The following HYPK variants were observed in gnomAD, a reference collection of about 807,000 sequenced individuals.
HYPK encodes the protein huntingtin-interacting protein K.
In HYPK, 9 loss-of-function variants were observed where a neutral mutation model predicts 13.9. That is an observed-to-expected ratio of 0.65 (90% CI 0.39 to 1.13). The LOEUF (loss-of-function observed/expected upper bound fraction) is 1.13, where lower values mean the gene tolerates loss of function less well. Ranked by LOEUF, HYPK falls within the 50% of genes most tolerant of loss-of-function variation. The pLI is 0.01. For synonymous variants in HYPK, 76 were observed against 57.0 expected (o/e 1.33, Z -1.50); for missense variants, 138 against 157.6 (o/e 0.88, Z 0.67).
In HYPK at chr15:43,801,912, C is replaced by T. The variant is rs2087322693; in HGVS notation, c.*106C>T. The T allele has an allele frequency of 4.8e-6, 4 of 841,208 alleles. No individual in the cohort carries two copies. The highest frequency in any genetic ancestry group is 7.7e-6 in the Non-Finnish European group (4 of 520,384). 52.1% of individuals were successfully genotyped at this position (841,208 alleles called of 1,614,324 possible). A position where few individuals can be genotyped will look rare whatever the true frequency, so the allele number is the denominator to read the frequency against. ...GGGTCAAGTAGAGTGTATACTATAT[C>T]CTATGTTGTGGAGAATTTATATGTT... On this transcript the variant is annotated 3_prime_UTR_variant, in exon 4 of 4. Coordinates refer to ENST00000442995, the MANE Select transcript of HYPK (RefSeq NM_016400.4).
At chr15:43,801,254 CCAT>C in intron 2 of HYPK, 67 bp downstream of exon 2, 2 of 1,346,770 alleles carry the variant, frequency 1.5e-6, no homozygotes, top group Non-Finnish European at 2.1e-6. Flanking sequence ...AAAATAAAAA[CCAT>C]TATTAAGCCT....
chr15:43,801,665 G>GCA, intron 3 of HYPK, 46 bp from the exon 4 acceptor site: 1 of 1,608,752 alleles, frequency 6.2e-7, no homozygotes, highest in Non-Finnish European at 8.5e-7. Flanking sequence ...ATATTTGGTG[G>GCA]CACATTAATG....
intron 3 of HYPK, 46 bp downstream of exon 3, chr15:43,801,615 T>C (rs1297408727): frequency 1.2e-6 from 2 of 1,607,286 alleles, no homozygotes; most frequent in African/African-American, 2.7e-5. Context: ...GAGGCTATTC[T>C]GCTTAATTTG....
At position 43,802,407 on chromosome 15, in the gene HYPK, T is replaced by C. The variant is rs1483445925; in HGVS notation, c.*601T>C. On this transcript the variant is annotated 3_prime_UTR_variant, in exon 4 of 4. Transcript: ENST00000442995. ...TGTGAAACCCCGTCTCCACTGAAAA[T>C]AGAAAAATTAGCTGGGCATGGTGGT... 6.9e-6 allele frequency: 1 copy of C among 145,616 alleles called. No individual in the cohort carries two copies. The highest frequency in any genetic ancestry group is 1.5e-5 in the Non-Finnish European group (1 of 66,974). The allele number at this position is 145,616 out of a possible 1,614,324, so 9.0% of individuals were successfully genotyped here. A position where few individuals can be genotyped will look rare whatever the true frequency, so the allele number is the denominator to read the frequency against.
In HYPK at chr15:43,801,155, A is replaced by C; in HGVS notation, c.186A>C (p.Arg62Ser). 6.2e-7 allele frequency: 1 copy of C among 1,613,990 alleles called. No individual in the cohort carries two copies. Among genetic ancestry groups the C allele is most frequent in the Non-Finnish European group, 8.5e-7 (1 of 1,179,944 alleles). Residue 62 changes from arginine to serine, a missense_variant, in exon 2 of 4, where the codon AGA becomes AGC. Arg to Ser is a moderately radical substitution (Grantham distance 110). Transcript: ENST00000442995. ...AGGCCATGTCTGTGATTGGAGACAG[A>C]AGGTCCCGGGAGCAGAAAGCCAAAC... ...LETAMSVIGD[R>S]RSREQKAKQE...
chr15:43,803,807 AAT>A lies in HYPK; in HGVS notation c.*2002_*2003del, dbSNP rs2087343057. 6.6e-6 allele frequency among the ~76,000 whole-genome samples: 1 copy of A among 150,444 alleles called. No homozygotes were observed. The highest frequency in any genetic ancestry group is 1.5e-5 in the Non-Finnish European group (1 of 67,810). On this transcript the variant is annotated 3_prime_UTR_variant, in exon 4 of 4. Coordinates refer to ENST00000442995, the MANE Select transcript of HYPK (RefSeq NM_016400.4). Reference sequence around the variant, plus strand: ...CCATCTCAAAAAAAAAAAAAAAAAAAATCAGCTTGGACCAACTCACACATGTT... The same window carrying A: ...CCATCTCAAAAAAAAAAAAAAAAAAACAGCTTGGACCAACTCACACATGTT...
Position 43,801,529 on chromosome 15 carries a change from TG to T in HYPK, c.232del (p.Ala78GlnfsTer12). ...QKAKQEREKE[L>X]AKVTIKKEDL... ...AAATATTTTTGCAGGGAGAAAGAAC[TG>T]GCAAAAGTCACTATCAAGAAGGAAG... On this transcript the variant is annotated frameshift_variant, in exon 3 of 4. Transcript: ENST00000442995. LOFTEE classifies it high-confidence loss of function. The T allele has an allele frequency of 6.2e-7, 1 of 1,613,686 alleles. No homozygotes were observed. The highest frequency in any genetic ancestry group is 8.5e-7 in the Non-Finnish European group (1 of 1,179,564).
At position 43,803,935 on chromosome 15, in the gene HYPK, G is replaced by A. The variant is rs893981705; in HGVS notation, c.*2129G>A. 6.6e-6 allele frequency among the ~76,000 whole-genome samples: 1 copy of A among 151,714 alleles called. No homozygotes were observed. The highest frequency in any genetic ancestry group is 2.4e-5 in the African/African-American group (1 of 41,250). On this transcript the variant is annotated 3_prime_UTR_variant, in exon 4 of 4. Coordinates refer to ENST00000442995, the MANE Select transcript of HYPK (RefSeq NM_016400.4). ...TTTGGGAGGCTGAGGCGGGCGGATCGCGAAGTGAAGATCAAGACCATCCTG... is the reference window on the plus strand; with the variant it reads ...TTTGGGAGGCTGAGGCGGGCGGATCACGAAGTGAAGATCAAGACCATCCTG...
At chr15:43,800,914 A>T in intron 1 of HYPK, 130 bp downstream of exon 1, 1 of 1,016,836 alleles carries the variant, frequency 9.8e-7, no homozygotes, top group Non-Finnish European at 1.4e-6. Flanking sequence ...GGTAGAGCCG[A>T]GGGAAACAGC....
In HYPK at chr15:43,802,359, AT is replaced by A. The variant is rs1419574862; in HGVS notation, c.*555del. On this transcript the variant is annotated 3_prime_UTR_variant, in exon 4 of 4. Transcript: ENST00000442995. ...AGGCAGGTAGATCACGAGGTCAGGAATTCAAGACCAGCCTGGCCAACATGTG... is the reference window on the plus strand; with the variant it reads ...AGGCAGGTAGATCACGAGGTCAGGAATCAAGACCAGCCTGGCCAACATGTG... The A allele has an allele frequency of 6.6e-6, 1 of 151,372 alleles. No homozygotes were observed. Among genetic ancestry groups the A allele is most frequent in the Non-Finnish European group, 1.5e-5 (1 of 68,022 alleles). 9.4% of individuals were successfully genotyped at this position (151,372 alleles called of 1,614,324 possible).
chr15:43,801,651 C>T (rs2087317606), intron 3 of HYPK, 60 bp from the exon 4 acceptor site: 1 of 1,607,002 alleles, frequency 6.2e-7, no homozygotes, highest in Admixed American at 1.7e-5. Flanking sequence ...CAAGCGGAGT[C>T]AGTATATTTG....
At position 43,803,448 on chromosome 15, in the gene HYPK, C is replaced by T. The variant is rs1406174498; in HGVS notation, c.*1642C>T. 1.3e-5 allele frequency among the ~76,000 whole-genome samples: 2 copies of T among 152,078 alleles called. No individual in the cohort carries two copies. The highest frequency in any genetic ancestry group is 2.9e-5 in the Non-Finnish European group (2 of 68,018). On this transcript the variant is annotated 3_prime_UTR_variant, in exon 4 of 4. Transcript: ENST00000442995. ...GGTATTCAAATTCTAAGCCATAATA[C>T]ATTCTACATGCCATTTCCTATCCTA...
rs781118026 is a variant in HYPK, at chr15:43,800,606, G to C, written c.-17G>C. ...CGGCGTGAGGTGGGGCTTATGCGGC[G>C]GCGTGGTGAAATAGATATGGCGACC... On this transcript the variant is annotated 5_prime_UTR_variant, in exon 1 of 4. Coordinates refer to ENST00000442995, the MANE Select transcript of HYPK (RefSeq NM_016400.4). The C allele has an allele frequency of 1.2e-6, 2 of 1,614,030 alleles. No individual in the cohort carries two copies. The highest frequency in any genetic ancestry group is 1.1e-5 in the South Asian group (1 of 91,056).
rs2087338740 is a variant in HYPK, at chr15:43,803,289, T to A, written c.*1483T>A. Among the ~76,000 whole-genome samples, 1 of 151,144 alleles carries A rather than the reference T, an allele frequency of 6.6e-6. No individual in the cohort carries two copies. Among genetic ancestry groups the A allele is most frequent in the African/African-American group, 2.4e-5 (1 of 41,152 alleles). On this transcript the variant is annotated 3_prime_UTR_variant, in exon 4 of 4. Coordinates refer to ENST00000442995, the MANE Select transcript of HYPK (RefSeq NM_016400.4). Reference sequence around the variant, plus strand: ...TGCCTGTCTGTGGTCCCAGATACTCTGGAGGCTGAGATGGATTTGCTTGAG... The same window carrying A: ...TGCCTGTCTGTGGTCCCAGATACTCAGGAGGCTGAGATGGATTTGCTTGAG...
At position 43,803,625 on chromosome 15, in the gene HYPK, A is replaced by G. The variant is rs951571741; in HGVS notation, c.*1819A>G. 6.6e-6 allele frequency among the ~76,000 whole-genome samples: 1 copy of G among 152,036 alleles called. No individual in the cohort carries two copies. Among genetic ancestry groups the G allele is most frequent in the African/African-American group, 2.4e-5 (1 of 41,388 alleles). On this transcript the variant is annotated 3_prime_UTR_variant, in exon 4 of 4. Coordinates refer to ENST00000442995, the MANE Select transcript of HYPK (RefSeq NM_016400.4). Reference sequence around the variant, plus strand: ...GCCAAAATGGTGAAACCCCATCTCTACTAAAAGTACAAAAAAAAATTAGCT... The same window carrying G: ...GCCAAAATGGTGAAACCCCATCTCTGCTAAAAGTACAAAAAAAAATTAGCT...
chr15:43,801,065 T>C (rs1567173709), intron 1 of HYPK, 67 bp from the exon 2 acceptor site: 1 of 1,388,970 alleles, frequency 7.2e-7, no homozygotes, highest in Admixed American at 1.7e-5. Context: ...CCGCTTGTTT[T>C]GTTGGCCTTT....
chr15:43,801,062 T>C lies in HYPK; in HGVS notation c.163-70T>C, dbSNP rs2087307963. 1.0e-5 allele frequency: 14 copies of C among 1,377,178 alleles called. No individual in the cohort carries two copies. In the South Asian group the frequency reaches 1.6e-4, roughly 16 times the overall value. 85.3% of individuals were successfully genotyped at this position (1,377,178 alleles called of 1,614,324 possible). Reference sequence around the variant, plus strand: ...CGTGAATCCATGCATGAACCGCTTGTTTTGTTGGCCTTTTAGATTATTGGG... The same window carrying C: ...CGTGAATCCATGCATGAACCGCTTGCTTTGTTGGCCTTTTAGATTATTGGG... On this transcript the variant is annotated intron_variant, in intron 1 of 3. Transcript: ENST00000442995.
At position 43,802,139 on chromosome 15, in the gene HYPK, G is replaced by T; in HGVS notation, c.*333G>T. The T allele has an allele frequency of 3.7e-6, 1 of 267,546 alleles. No individual in the cohort carries two copies. The highest frequency in any genetic ancestry group is 7.2e-6 in the Non-Finnish European group (1 of 138,244). The allele number at this position is 267,546 out of a possible 1,614,324, so 16.6% of individuals were successfully genotyped here. A position where few individuals can be genotyped will look rare whatever the true frequency, so the allele number is the denominator to read the frequency against. ...GGCATGTGTCTCCAAGACAGCTTATGAATATCTAAAAGGCCAGCTACCTGC... is the reference window on the plus strand; with the variant it reads ...GGCATGTGTCTCCAAGACAGCTTATTAATATCTAAAAGGCCAGCTACCTGC... On this transcript the variant is annotated 3_prime_UTR_variant, in exon 4 of 4. Transcript: ENST00000442995.
At chr15:43,801,623 T>A in intron 3 of HYPK, 54 bp downstream of exon 3, 1 of 1,607,570 alleles carries the variant, frequency 6.2e-7, no homozygotes, top group Non-Finnish European at 8.5e-7. Context: ...TCTGCTTAAT[T>A]TGGGTTGTTT....
Sources: allele counts gnomAD v4.1 joint callset (sites outside exome capture counted in the v4.1 genomes callset), GRCh38; gene constraint gnomAD v4.1.1; transcripts MANE v1.5; gene names NCBI Gene and HGNC (gene_info 2026-07-23, HGNC 2026-07-21).